Variants in MLYCD observed in about 807,000 individuals in gnomAD.
MLYCD encodes malonyl-CoA decarboxylase, also known as malonyl-CoA decarboxylase, mitochondrial.
MLYCD carries 27 observed loss-of-function variants against 35.8 expected under a neutral mutation model. The ratio of observed to expected loss-of-function variants is 0.75; its 90% confidence interval spans 0.56 to 1.04. MLYCD has a LOEUF of 1.04. MLYCD is among the 50% of genes least tolerant of loss of function. The pLI, the probability that MLYCD is intolerant of heterozygous loss-of-function variation, is 0.00. For synonymous variants in MLYCD, 403 were observed against 302.4 expected (o/e 1.33, Z -3.45); for missense variants, 917 against 665.1 (o/e 1.38, Z -4.17).
At chr16:83,914,884 C>G (rs945205675) in intron 4 of MLYCD, 72 bp from the exon 5 acceptor site, 1 of 1,602,640 alleles carries the variant, frequency 6.2e-7, no homozygotes, top group Non-Finnish European at 8.5e-7. Context: ...AAGAGGTGCT[C>G]CTCTGTTGGT....
At chr16:83,904,823 G>A (rs1163609841) in intron 1 of MLYCD, among the ~76,000 whole-genome samples, 2 of 152,184 alleles carry the variant, frequency 1.3e-5, no homozygotes, top group African/African-American at 4.8e-5. Flanking sequence ...TCTGTGGACA[G>A]CTCCAGCTAT....
chr16:83,903,633 T>G (rs1308043221), intron 1 of MLYCD, among the ~76,000 whole-genome samples: 1 of 152,122 alleles, frequency 6.6e-6, no homozygotes, highest in Non-Finnish European at 1.5e-5. Flanking sequence ...GTCATACAAG[T>G]CAATGGAATT....
rs1442553122 is a variant in MLYCD at position 83,921,917 on chromosome 16, G to T, written c.*6428G>T. On this transcript the variant is annotated 3_prime_UTR_variant, in exon 5 of 5. Transcript: ENST00000262430. Reference sequence around the variant, plus strand: ...ACACCCTACAGGAAAGTGCTACTCAGTGCCCAGGTGACATCGTCACAAGGG... The same window carrying T: ...ACACCCTACAGGAAAGTGCTACTCATTGCCCAGGTGACATCGTCACAAGGG... The T allele has an allele frequency of 3.3e-5, 5 of 152,242 alleles. No individual in the cohort carries two copies. The highest frequency in any genetic ancestry group is 1.9e-4 in the East Asian group (1 of 5,192). 9.4% of individuals were successfully genotyped at this position (152,242 alleles called of 1,614,324 possible). A position where few individuals can be genotyped will look rare whatever the true frequency, so the allele number is the denominator to read the frequency against.
At position 83,899,208 on chromosome 16, in the gene MLYCD, C is replaced by T. The variant is rs915124487; in HGVS notation, c.64C>T (p.Pro22Ser). ...CCTCCCGCTGCGGTTGCCCCCGCGG[C>T]CGCCCGGGCCCCGGCTGGCGAGCGG... ...RLLPLRLPPR[P>S]PGPRLASGQA... is the part of the protein sequence containing the mutation. The change falls in exon 1 of 5, where the codon CCG becomes TCG. Residue 22 changes from proline (P) to serine (S), a missense_variant. Transcript: ENST00000262430. The T allele has an allele frequency of 2.5e-5, 30 of 1,190,614 alleles. No individual in the cohort carries two copies. Among genetic ancestry groups the T allele is most frequent in the Admixed American group, 1.8e-4 (4 of 22,046 alleles). The allele number at this position is 1,190,614 out of a possible 1,614,324, so 73.8% of individuals were successfully genotyped here.
Position 83,899,634 on chromosome 16 carries a change from G to A in MLYCD, c.490G>A (p.Ala164Thr), listed in dbSNP as rs948778157. The change falls in exon 1 of 5, where the codon GCG becomes ACG. Residue 164 changes from alanine (A) to threonine (T), a missense_variant. Transcript: ENST00000262430. ...GCAGCTGCGGGCCGACCTGCTGGAG[G>A]CGCAGGCCCTCAAGCTGGTGGAGGG... ...LVQLRADLLE[A>T]QALKLVEGPD... 1 of 1,558,584 alleles carries A rather than the reference G, an allele frequency of 6.4e-7. No homozygotes were observed. The highest frequency in any genetic ancestry group is 8.6e-7 in the Non-Finnish European group (1 of 1,161,054).
rs1907207619 is a variant in MLYCD, at chr16:83,912,291, T to G, written c.872T>G (p.Ile291Ser). 1 of 1,614,146 alleles carries G rather than the reference T, an allele frequency of 6.2e-7. No individual in the cohort carries two copies. The highest frequency in any genetic ancestry group is 1.3e-5 in the African/African-American group (1 of 75,048). The stretch of plus-strand genomic sequence containing the variant: ...ATCACTGCTGCGATCTTTTATTCCA[T>G]CAGCTTGACCCAGCAGGGACTCCAA... ...NKITAAIFYS[I>S]SLTQQGLQGV... Residue 291 changes from isoleucine (I) to serine (S), a missense_variant, in exon 4 of 5, where the codon ATC becomes AGC. Transcript: ENST00000262430.
At chr16:83,902,213 G>A (rs559114214) in intron 1 of MLYCD, among the ~76,000 whole-genome samples, 292 of 132,796 alleles carry the variant, frequency 2.2e-3, no homozygotes, top group Non-Finnish European at 3.7e-3. Context: ...TGTTGTTTAC[G>A]GTTTTTTGTT....
At chr16:83,901,716 A>G (rs1483396088) in intron 1 of MLYCD, among the ~76,000 whole-genome samples, 2 of 152,138 alleles carry the variant, frequency 1.3e-5, no homozygotes, top group Non-Finnish European at 2.9e-5. Context: ...AACTGAAGAC[A>G]CTCACATCCA....
At chr16:83,913,733 G>C (rs1462027928) in intron 4 of MLYCD, 1 of 147,620 alleles carries the variant, frequency 6.8e-6, no homozygotes, top group African/African-American at 2.5e-5. Flanking sequence ...AGAATCACTT[G>C]AACCTAGGAG....
chr16:83,904,180 C>T (rs62047932), intron 1 of MLYCD, among the ~76,000 whole-genome samples: 18,356 of 151,614 alleles, frequency 0.12, 1,447 homozygotes, highest in Middle Eastern at 0.21. Context: ...TAGGTATTTC[C>T]AGCTTTTTTC....
chr16:83,908,053 G>T, intron 2 of MLYCD, 73 bp from the exon 3 acceptor site: 3 of 1,576,776 alleles, frequency 1.9e-6, no homozygotes, highest in Non-Finnish European at 1.7e-6. Context: ...TAGACGAATA[G>T]TATGAATAGG....
Position 83,899,142 on chromosome 16 carries a change from A to C in MLYCD, c.-3A>C. On this transcript the variant is annotated 5_prime_UTR_variant, in exon 1 of 5. Coordinates refer to ENST00000262430, the MANE Select transcript of MLYCD (RefSeq NM_012213.3). Reference sequence around the variant, plus strand: ...TCCCCCTCGGCAGCTGTTGTGGGGCACCATGCGAGGCTTCGGGCCAGGCTT... The same window carrying C: ...TCCCCCTCGGCAGCTGTTGTGGGGCCCCATGCGAGGCTTCGGGCCAGGCTT... 8.8e-7 allele frequency: 1 copy of C among 1,133,626 alleles called. No homozygotes were observed. Among genetic ancestry groups the C allele is most frequent in the Non-Finnish European group, 1.1e-6 (1 of 928,332 alleles). 70.2% of individuals were successfully genotyped at this position (1,133,626 alleles called of 1,614,324 possible). A position where few individuals can be genotyped will look rare whatever the true frequency, so the allele number is the denominator to read the frequency against.
At chr16:83,902,365 T>A (rs1036948376) in intron 1 of MLYCD, among the ~76,000 whole-genome samples, 2 of 151,510 alleles carry the variant, frequency 1.3e-5, no homozygotes, top group African/African-American at 2.4e-5. Context: ...GTAATTTTTT[T>A]AAAATCCCTG....
chr16:83,919,832 C>T lies in MLYCD; in HGVS notation c.*4343C>T, dbSNP rs568931513. 6.6e-6 allele frequency: 1 copy of T among 152,282 alleles called. No individual in the cohort carries two copies. The highest frequency in any genetic ancestry group is 2.4e-5 in the African/African-American group (1 of 41,256). The allele number at this position is 152,282 out of a possible 1,614,324, so 9.4% of individuals were successfully genotyped here. ...GGTGCACAGGAGAACACGCAGTGCA[C>T]AGGAGAACATGCAATGCACGGGAGA... On this transcript the variant is annotated 3_prime_UTR_variant, in exon 5 of 5. Coordinates refer to ENST00000262430, the MANE Select transcript of MLYCD (RefSeq NM_012213.3).
Position 83,916,096 on chromosome 16 carries a change from G to C in MLYCD, c.*607G>C. The C allele has an allele frequency of 2.1e-5, 21 of 996,800 alleles. No homozygotes were observed. The highest frequency in any genetic ancestry group is 2.4e-5 in the Non-Finnish European group (20 of 835,320). 61.7% of individuals were successfully genotyped at this position (996,800 alleles called of 1,614,324 possible). On this transcript the variant is annotated 3_prime_UTR_variant, in exon 5 of 5. Coordinates refer to ENST00000262430, the MANE Select transcript of MLYCD (RefSeq NM_012213.3). ...AAAAATGTTGCTGCTTGAGGCATAA[G>C]TTGGATAATAGGCTTTAAATGATCA...
chr16:83,903,674 G>A (rs1906876463), intron 1 of MLYCD, among the ~76,000 whole-genome samples: 1 of 152,190 alleles, frequency 6.6e-6, no homozygotes, highest in African/African-American at 2.4e-5. Flanking sequence ...GCCGGGTGCA[G>A]TGGCACGCAC....
At position 83,899,363 on chromosome 16, in the gene MLYCD, C is replaced by T; in HGVS notation, c.219C>T (p.Ser73=). Residue 73 remains serine (S), a synonymous_variant, in exon 1 of 5, where the codon AGC becomes AGT. Transcript: ENST00000262430. ...PAEGQCADFV[S]FYGGLAETAQ... is the part of the protein sequence containing the mutation. The stretch of plus-strand genomic sequence containing the variant: ...AGGGTCAGTGCGCGGACTTCGTGAG[C>T]TTCTACGGTGGGCTGGCCGAGACGG... The T allele has an allele frequency of 6.5e-7, 1 of 1,527,634 alleles. No individual in the cohort carries two copies. Among genetic ancestry groups the T allele is most frequent in the Non-Finnish European group, 8.7e-7 (1 of 1,146,336 alleles). The allele number at this position is 1,527,634 out of a possible 1,614,324, so 94.6% of individuals were successfully genotyped here.
chr16:83,907,236 T>A, intron 2 of MLYCD, 137 bp downstream of exon 2: 1 of 787,104 alleles, frequency 1.3e-6, no homozygotes, highest in Non-Finnish European at 2.1e-6. Context: ...CCAAACACAG[T>A]ATTTGCAAAT....
At position 83,912,645 on chromosome 16, in the gene MLYCD, A is replaced by T; in HGVS notation, c.948+278A>T. ...GAGGTCATCAACTCTCTCTAGGGTG[A>T]CCTCGTTCTGACCTGGTCAGGACAC... On this transcript the variant is annotated intron_variant, in intron 4 of 4. Coordinates refer to ENST00000262430, the MANE Select transcript of MLYCD (RefSeq NM_012213.3). 1.5e-5 allele frequency: 7 copies of T among 460,336 alleles called. 1 individual carries two copies. The highest frequency in any genetic ancestry group is 1.4e-4 in the South Asian group (7 of 49,112). 28.5% of individuals were successfully genotyped at this position (460,336 alleles called of 1,614,324 possible). A position where few individuals can be genotyped will look rare whatever the true frequency, so the allele number is the denominator to read the frequency against.
Sources: allele counts gnomAD v4.1 joint callset (sites outside exome capture counted in the v4.1 genomes callset), GRCh38; gene constraint gnomAD v4.1.1; transcripts MANE v1.5; gene names NCBI Gene and HGNC (gene_info 2026-07-23, HGNC 2026-07-21).